Variants in POU3F3 observed in about 807,000 individuals in gnomAD.
The protein encoded by POU3F3 is POU domain, class 3, transcription factor 3.
A neutral mutation model predicts 8.6 loss-of-function variants in POU3F3; 1 was observed. That is an observed-to-expected ratio of 0.12 (90% CI 0.04 to 0.55). The LOEUF (loss-of-function observed/expected upper bound fraction) is 0.55, where lower values mean the gene tolerates loss of function less well. POU3F3 is among the 20% of genes least tolerant of loss of function. POU3F3 has a pLI of 0.91. For synonymous variants in POU3F3, 418 were observed against 327.4 expected, an observed-to-expected ratio of 1.28 and a Z score of -2.99; for missense variants, 577 against 690.7, an observed-to-expected ratio of 0.84 and a Z score of 1.84.
chr2:104,916,603 T>C, the POU3F3 span, among the ~76,000 whole-genome samples: 1 of 152,314 alleles, frequency 6.6e-6, no homozygotes, highest in East Asian at 1.9e-4. Context: ...AGGAGGTATC[T>C]AAGAGGTATA....
Position 104,856,335 on chromosome 2 carries a change from C to G in POU3F3, c.825C>G (p.His275Gln). ...PELAEHHHHH[H>Q]HHAHPHPPHP... Reference sequence around the variant, plus strand: ...TGGCCGAGCACCACCACCACCACCACCACCACGCGCATCCTCACCCGCCGC... The same window carrying G: ...TGGCCGAGCACCACCACCACCACCAGCACCACGCGCATCCTCACCCGCCGC... Residue 275 changes from histidine to glutamine, a missense_variant, in exon 1 of 1, where the codon CAC becomes CAG. His to Gln is a conservative substitution (Grantham distance 24). Transcript: ENST00000361360. The G allele has an allele frequency of 6.6e-7, 1 of 1,511,636 alleles. No individual in the cohort carries two copies. Among genetic ancestry groups the G allele is most frequent in the Non-Finnish European group, 8.8e-7 (1 of 1,135,566 alleles). The allele number at this position is 1,511,636 out of a possible 1,614,324, so 93.6% of individuals were successfully genotyped here. A position where few individuals can be genotyped will look rare whatever the true frequency, so the allele number is the denominator to read the frequency against.
chr2:104,856,077 G>T lies in POU3F3; in HGVS notation c.567G>T (p.Ala189=). Reference sequence around the variant, plus strand: ...AGGGCCACCCTGGGGGCTGGGGGGCGGCCGCCGCTGCCGCAGCCGCAGCCG... The same window carrying T: ...AGGGCCACCCTGGGGGCTGGGGGGCTGCCGCCGCTGCCGCAGCCGCAGCCG... ...PHQGHPGGWG[A]AAAAAAAAAA... is the part of the protein sequence containing the mutation. The change falls in exon 1 of 1, where the codon GCG becomes GCT. Residue 189 remains alanine, a synonymous_variant. Coordinates refer to ENST00000361360, the MANE Select transcript of POU3F3 (RefSeq NM_006236.3). 9.9e-7 allele frequency: 1 copy of T among 1,010,284 alleles called. No individual in the cohort carries two copies. Among genetic ancestry groups the T allele is most frequent in the East Asian group, 1.0e-4 (1 of 9,674 alleles). 62.6% of individuals were successfully genotyped at this position (1,010,284 alleles called of 1,614,324 possible).
At chr2:104,875,625 C>G in the POU3F3 span, among the ~76,000 whole-genome samples, 2 of 152,126 alleles carry the variant, frequency 1.3e-5, no homozygotes, top group African/African-American at 2.4e-5. Flanking sequence ...TAAGACTTGG[C>G]AAATTAGCTA....
the POU3F3 span, among the ~76,000 whole-genome samples, chr2:104,903,500 C>T: frequency 1.3e-5 from 2 of 152,224 alleles, no homozygotes; most frequent in East Asian, 1.9e-4. Context: ...AGCTGCTGCA[C>T]GCTTTATGTG....
the POU3F3 span, among the ~76,000 whole-genome samples, chr2:104,865,038 C>A: frequency 3.3e-5 from 5 of 152,294 alleles, no homozygotes; most frequent in South Asian, 4.1e-4. Context: ...TACTCAATTG[C>A]CACAGTTTTA....
At chr2:104,890,745 A>G in the POU3F3 span, among the ~76,000 whole-genome samples, 2 of 152,100 alleles carry the variant, frequency 1.3e-5, no homozygotes, top group African/African-American at 4.8e-5. Flanking sequence ...ATGTTCCTCC[A>G]CACTCGGGTA....
downstream of POU3F3, among the ~76,000 whole-genome samples, chr2:104,861,978 G>C (rs528078608): frequency 7.2e-5 from 11 of 152,236 alleles, no homozygotes; most frequent in Non-Finnish European, 1.3e-4. Context: ...AGGAAATAGT[G>C]CGCAGGCTGG....
chr2:104,926,264 A>G, the POU3F3 span, among the ~76,000 whole-genome samples: 1 of 152,220 alleles, frequency 6.6e-6, no homozygotes, highest in Non-Finnish European at 1.5e-5. Context: ...ACAAGAAAAA[A>G]ACAAACAACC....
the POU3F3 span, among the ~76,000 whole-genome samples, chr2:104,870,405 C>A: frequency 6.6e-6 from 1 of 152,248 alleles, no homozygotes; most frequent in Non-Finnish European, 1.5e-5. Context: ...GTGCTTGTCA[C>A]TAGCAGCTCA....
chr2:104,877,660 C>CTTTTTTTTT, the POU3F3 span, among the ~76,000 whole-genome samples: 26 of 138,818 alleles, frequency 1.9e-4, no homozygotes, highest in Non-Finnish European at 2.8e-4. Flanking sequence ...TTCTTTTTTT[C>CTTTTTTTTT]TTTTTTTTTT....
the POU3F3 span, among the ~76,000 whole-genome samples, chr2:104,917,239 C>T: frequency 6.6e-6 from 1 of 152,176 alleles, no homozygotes; most frequent in African/African-American, 2.4e-5. Flanking sequence ...CAATCTAAAT[C>T]TCCTCTATAA....
the POU3F3 span, among the ~76,000 whole-genome samples, chr2:104,896,076 C>T: frequency 6.6e-6 from 1 of 152,144 alleles, no homozygotes; most frequent in African/African-American, 2.4e-5. Flanking sequence ...AGCAGGAACT[C>T]GAACGTGGAT....
chr2:104,911,146 G>T, the POU3F3 span, among the ~76,000 whole-genome samples: 5 of 151,982 alleles, frequency 3.3e-5, no homozygotes, highest in Non-Finnish European at 5.9e-5. Context: ...GGGCATGATG[G>T]CTTACACCTG....
the POU3F3 span, among the ~76,000 whole-genome samples, chr2:104,913,165 A>C: frequency 6.6e-6 from 1 of 150,740 alleles, no homozygotes; most frequent in East Asian, 2.0e-4. Flanking sequence ...TGACCGTGAC[A>C]GGCCATTCAG....
At chr2:104,881,121 A>ACTTACTTTCTTTCTTTCTTTCTTTCTTT in the POU3F3 span, among the ~76,000 whole-genome samples, 1 of 142,174 alleles carries the variant, frequency 7.0e-6, no homozygotes, top group Middle Eastern at 3.6e-3. Flanking sequence ...TTTATTTCTT[A>ACTTACTTTCTTTCTTTCTTTCTTTCTTT]CTTTCTTTCT....
chr2:104,854,629 G>A lies in POU3F3; in HGVS notation c.-882G>A, dbSNP rs1371902172. Among the ~76,000 whole-genome samples, 11 of 152,254 alleles carry A rather than the reference G, an allele frequency of 7.2e-5. No homozygotes were observed. The East Asian group carries it at 1.2e-3, about 16-fold the overall frequency. On this transcript the variant is annotated 5_prime_UTR_variant, in exon 1 of 1. Coordinates refer to ENST00000361360, the MANE Select transcript of POU3F3 (RefSeq NM_006236.3). The surrounding 1 kb of genome is among the most constrained non-coding windows in gnomAD (Gnocchi z 4.5). Reference sequence around the variant, plus strand: ...AATGAAAAAGGACTCTTGTTTCAGAGGCAACCAAGAGCTCCGGCAATAGCA... The same window carrying A: ...AATGAAAAAGGACTCTTGTTTCAGAAGCAACCAAGAGCTCCGGCAATAGCA...
At chr2:104,906,807 T>A in the POU3F3 span, among the ~76,000 whole-genome samples, 1 of 152,160 alleles carries the variant, frequency 6.6e-6, no homozygotes, top group Non-Finnish European at 1.5e-5. Context: ...CCATTTCTCC[T>A]CCTACTTATT....
At chr2:104,860,494 G>T (rs897598052), downstream of POU3F3, among the ~76,000 whole-genome samples, 2 of 152,102 alleles carry the variant, frequency 1.3e-5, no homozygotes, top group Non-Finnish European at 2.9e-5. Context: ...AGTGTCTTGT[G>T]CTTCGTAAAG....
Position 104,856,292 on chromosome 2 carries a change from G to A in POU3F3, c.782G>A (p.Arg261His). The A allele has an allele frequency of 6.8e-7, 1 of 1,479,090 alleles. No individual in the cohort carries two copies. 91.6% of individuals were successfully genotyped at this position (1,479,090 alleles called of 1,614,324 possible). A position where few individuals can be genotyped will look rare whatever the true frequency, so the allele number is the denominator to read the frequency against. The stretch of plus-strand genomic sequence containing the variant: ...AGCTTGGTGCACCCGGGGCTGGTGC[G>A]CGGGGACACGCCAGAGCTGGCCGAG... ...AQSLVHPGLVRGDTPELAEHH... is the reference protein window; with the variant it reads ...AQSLVHPGLVHGDTPELAEHH... Residue 261 changes from arginine (R) to histidine (H), a missense_variant, in exon 1 of 1, where the codon CGC becomes CAC. Physicochemically the swap from Arg to His is conservative, Grantham distance 29. Around this residue, in one of 7 missense-constraint regions of POU3F3, gnomAD observed 484 missense variants for 422.6 expected, o/e 1.15. Coordinates refer to ENST00000361360, the MANE Select transcript of POU3F3 (RefSeq NM_006236.3).
Sources: gnomAD v4.1 joint callset for allele counts (sites outside exome capture counted in the v4.1 genomes callset) on GRCh38, gnomAD v4.1.1 for gene constraint, gnomAD v4.1.1 regional missense constraint, Gnocchi (gnomAD v3.1) non-coding constraint, MANE v1.5 for transcripts, NCBI Gene and HGNC (gene_info 2026-07-23, HGNC 2026-07-21) for gene names.